PRKD1: variants seen among roughly 807,000 people sequenced by gnomAD.
The protein encoded by PRKD1 is serine/threonine-protein kinase D1.
PRKD1 carries 63 observed loss-of-function variants against 95.9 expected under a neutral mutation model. The observed-to-expected ratio is 0.66, with a 90% CI of 0.54 to 0.81. The LOEUF (loss-of-function observed/expected upper bound fraction) is 0.81, where lower values mean the gene tolerates loss of function less well. Among genes scored for constraint, PRKD1 ranks in the 30% least tolerant of loss-of-function variants. The pLI, the probability that PRKD1 is intolerant of heterozygous loss-of-function variation, is 0.00. For synonymous variants in PRKD1, 425 were observed against 423.1 expected, an observed-to-expected ratio of 1.00 and a Z score of -0.05; for missense variants, 1,048 against 1,165.3, an observed-to-expected ratio of 0.90 and a Z score of 1.47.
intron 1 of PRKD1, among the ~76,000 whole-genome samples, chr14:29,912,095 G>C (rs1566668272): frequency 6.6e-6 from 1 of 152,250 alleles, no homozygotes; most frequent in East Asian, 1.9e-4. Context: ...GTCTGACCTA[G>C]TTAGGAGAAC....
chr14:29,597,729 C>A lies in PRKD1; in HGVS notation c.2196G>T (p.Arg732=). The change falls in exon 16 of 18, where the codon CGG becomes CGT. Residue 732 remains arginine, a synonymous_variant. Coordinates refer to ENST00000331968, the MANE Select transcript of PRKD1 (RefSeq NM_002742.3). ...TCCGGAAAGACTTCTCTCCAATGAT[C>A]CGGGCAAAACCAAAATCACAAAGTT... ...QVKLCDFGFA[R]IIGEKSFRRS... 6.2e-7 allele frequency: 1 copy of A among 1,611,788 alleles called. No homozygotes were observed. Among genetic ancestry groups the A allele is most frequent in the Non-Finnish European group, 8.5e-7 (1 of 1,179,110 alleles).
chr14:29,637,170 A>G (rs1566504024), intron 6 of PRKD1, among the ~76,000 whole-genome samples: 1 of 152,116 alleles, frequency 6.6e-6, no homozygotes, highest in Non-Finnish European at 1.5e-5. Flanking sequence ...CCTGGTGGGA[A>G]AAAAAAGTAT....
At chr14:29,720,788 T>A (rs60521046) in intron 2 of PRKD1, among the ~76,000 whole-genome samples, 36,622 of 145,872 alleles carry the variant, frequency 0.25, 6,073 homozygotes, top group African/African-American at 0.48. Context: ...TCAAAAAAAA[T>A]AAATAAATAA....
chr14:29,680,892 C>T (rs1021284561), intron 2 of PRKD1, among the ~76,000 whole-genome samples: 5 of 152,028 alleles, frequency 3.3e-5, no homozygotes, highest in East Asian at 1.9e-4. Context: ...TGTGAAAACA[C>T]GCGGAGGAGG....
intron 16 of PRKD1, among the ~76,000 whole-genome samples, chr14:29,589,767 A>G (rs1047757092): frequency 6.6e-6 from 1 of 152,128 alleles, no homozygotes; most frequent in African/African-American, 2.4e-5. Flanking sequence ...TATGAAAGTT[A>G]TTGCATGCAC....
intron 16 of PRKD1, among the ~76,000 whole-genome samples, chr14:29,589,153 T>A (rs1218611210): frequency 6.6e-6 from 1 of 152,140 alleles, no homozygotes; most frequent in Non-Finnish European, 1.5e-5. Flanking sequence ...CTAACCTTCC[T>A]CAAATTTACT....
rs1210463144 is a variant in PRKD1, at chr14:29,576,743, T to C, written c.*495A>G. On this transcript the variant is annotated 3_prime_UTR_variant, in exon 18 of 18. Transcript: ENST00000331968. ...ACATTAAAACTTGTTCATGCATTTGTGTCTTAGGATTTTATTCCCTACCCT... is the reference window on the plus strand; with the variant it reads ...ACATTAAAACTTGTTCATGCATTTGCGTCTTAGGATTTTATTCCCTACCCT... 1 of 172,602 alleles carries C rather than the reference T, an allele frequency of 5.8e-6. No homozygotes were observed. Among genetic ancestry groups the C allele is most frequent in the African/African-American group, 2.4e-5 (1 of 42,036 alleles). 10.7% of individuals were successfully genotyped at this position (172,602 alleles called of 1,614,324 possible).
At chr14:29,788,614 TTTC>T (rs1889382406) in intron 1 of PRKD1, among the ~76,000 whole-genome samples, 1 of 152,182 alleles carries the variant, frequency 6.6e-6, no homozygotes, top group South Asian at 2.1e-4. Flanking sequence ...TCTTTTTTCT[TTTC>T]TTAATTGTGG....
intron 1 of PRKD1, among the ~76,000 whole-genome samples, chr14:29,853,723 C>T (rs1052112131): frequency 7.9e-5 from 12 of 152,188 alleles, no homozygotes; most frequent in Non-Finnish European, 1.5e-5. Flanking sequence ...GTGTCCCCAC[C>T]CAAATCTCAT....
rs1310482215 is a variant in PRKD1, at chr14:29,577,331, T to C, written c.2646A>G (p.Thr882=). 4 of 1,613,868 alleles carry C rather than the reference T, an allele frequency of 2.5e-6. No individual in the cohort carries two copies. Among genetic ancestry groups the C allele is most frequent in the Non-Finnish European group, 3.4e-6 (4 of 1,179,852 alleles). ...GGCTAGCACTTGGATTGATCAGGTG[T>C]GTGGGGTACTGCAGCCCCTGCTCGC... ...YAGEQGLQYP[T]HLINPSASHS... is the part of the protein sequence containing the mutation. The change falls in exon 18 of 18, where the codon ACA becomes ACG. Residue 882 remains threonine (T), a synonymous_variant. Coordinates refer to ENST00000331968, the MANE Select transcript of PRKD1 (RefSeq NM_002742.3).
At chr14:29,698,524 T>C (rs45504394) in intron 2 of PRKD1, among the ~76,000 whole-genome samples, 1 of 152,144 alleles carries the variant, frequency 6.6e-6, no homozygotes, top group African/African-American at 2.4e-5. Flanking sequence ...AAATAGTACA[T>C]AAAAACCTAA....
chr14:29,879,580 A>G (rs1893429778), intron 1 of PRKD1, among the ~76,000 whole-genome samples: 1 of 152,132 alleles, frequency 6.6e-6, no homozygotes, highest in Non-Finnish European at 1.5e-5. Context: ...TTGTACTGGG[A>G]GTGGGGTGTT....
chr14:29,794,265 T>C (rs899313249), intron 1 of PRKD1, among the ~76,000 whole-genome samples: 9 of 151,660 alleles, frequency 5.9e-5, no homozygotes, highest in African/African-American at 2.2e-4. Flanking sequence ...ATATAAATTA[T>C]TATATTCTTT....
chr14:29,829,884 C>T (rs1022306693), intron 1 of PRKD1, among the ~76,000 whole-genome samples: 7 of 152,164 alleles, frequency 4.6e-5, no homozygotes, highest in African/African-American at 7.2e-5. Context: ...TGAAAGCCAA[C>T]TGATTCACTT....
At chr14:29,909,914 G>C (rs1894643237) in intron 1 of PRKD1, among the ~76,000 whole-genome samples, 1 of 152,070 alleles carries the variant, frequency 6.6e-6, no homozygotes, top group Admixed American at 6.5e-5. Context: ...GTCCAGCTCA[G>C]GGATTGTAAA....
At chr14:29,609,778 C>T (rs1284430602) in intron 13 of PRKD1, among the ~76,000 whole-genome samples, 18 of 146,552 alleles carry the variant, frequency 1.2e-4, no homozygotes, top group Non-Finnish European at 1.5e-4. Context: ...AGGCTGGTCT[C>T]GAACTCCTGG....
In PRKD1 at chr14:29,803,247, T is replaced by C. The variant is rs141946200; in HGVS notation, c.265-77573A>G. 2.0e-3 allele frequency among the ~76,000 whole-genome samples: 303 copies of C among 152,290 alleles called. 1 individual carries two copies. Among genetic ancestry groups the C allele is most frequent in the Non-Finnish European group, 3.1e-3 (210 of 68,014 alleles). On this transcript the variant is annotated intron_variant, in intron 1 of 17. Coordinates refer to ENST00000331968, the MANE Select transcript of PRKD1 (RefSeq NM_002742.3). ...GAGCTAAGGTCCAAATATTGTGAAA[T>C]ACAATGTACATATGGACTAGAATAA...
chr14:29,712,257 C>A (rs1885367832), intron 2 of PRKD1, among the ~76,000 whole-genome samples: 1 of 152,024 alleles, frequency 6.6e-6, no homozygotes, highest in Non-Finnish European at 1.5e-5. Flanking sequence ...CTCTCTTCAT[C>A]ATTTTTTCCC....
At chr14:29,705,283 C>T (rs914924304) in intron 2 of PRKD1, among the ~76,000 whole-genome samples, 1 of 152,016 alleles carries the variant, frequency 6.6e-6, no homozygotes, top group African/African-American at 2.4e-5. Context: ...TGAATGACCT[C>T]CATGTTATTT....
Sources: allele counts gnomAD v4.1 joint callset (sites outside exome capture counted in the v4.1 genomes callset), GRCh38; gene constraint gnomAD v4.1.1; transcripts MANE v1.5; gene names NCBI Gene and HGNC (gene_info 2026-07-23, HGNC 2026-07-21).